EHHADH: variants seen among roughly 807,000 people sequenced by gnomAD.
The protein encoded by EHHADH is enoyl-CoA hydratase and 3-hydroxyacyl CoA dehydrogenase.
EHHADH carries 48 observed loss-of-function variants against 64.4 expected under a neutral mutation model. The observed-to-expected ratio is 0.75, with a 90% CI of 0.59 to 0.95. The LOEUF is 0.95. Among genes scored for constraint, EHHADH ranks in the 40% least tolerant of loss-of-function variants. EHHADH has a pLI of 0.00. For synonymous variants in EHHADH, 308 were observed against 326.7 expected (o/e 0.94, Z 0.62); for missense variants, 854 against 876.6 (o/e 0.97, Z 0.33).
At chr3:185,196,340 T>G (rs1718064293) in intron 6 of EHHADH, among the ~76,000 whole-genome samples, 1 of 152,222 alleles carries the variant, frequency 6.6e-6, no homozygotes. Flanking sequence ...ATTTGAATGT[T>G]CATCAACTGG....
At chr3:185,196,734 G>C (rs1718074580) in intron 6 of EHHADH, among the ~76,000 whole-genome samples, 2 of 152,184 alleles carry the variant, frequency 1.3e-5, no homozygotes, top group Admixed American at 1.3e-4. Context: ...GGACACGGTG[G>C]CTCATGCCTG....
At chr3:185,194,048 G>T (rs970932930) in intron 6 of EHHADH, among the ~76,000 whole-genome samples, 1 of 152,126 alleles carries the variant, frequency 6.6e-6, no homozygotes, top group Admixed American at 6.5e-5. Flanking sequence ...ATCCCAGCTG[G>T]TTTTTTGCAG....
chr3:185,246,631 C>T (rs1719603848), intron 2 of EHHADH, among the ~76,000 whole-genome samples: 1 of 152,198 alleles, frequency 6.6e-6, no homozygotes, highest in Non-Finnish European at 1.5e-5. Context: ...TCTTTATATG[C>T]ATTGCTTGGT....
intron 6 of EHHADH, among the ~76,000 whole-genome samples, chr3:185,203,829 G>T (rs1291157464): frequency 2.0e-5 from 3 of 152,098 alleles, no homozygotes; most frequent in Admixed American, 2.0e-4. Flanking sequence ...TTCATACAGG[G>T]AAGAGGTAGC....
chr3:185,251,776 G>C (rs1028379451), intron 1 of EHHADH, among the ~76,000 whole-genome samples: 1 of 152,014 alleles, frequency 6.6e-6, no homozygotes, highest in African/African-American at 2.4e-5. Flanking sequence ...TGTTAAACTT[G>C]AGGAACTCCT....
At chr3:185,208,296 A>T (rs1253643533) in intron 5 of EHHADH, among the ~76,000 whole-genome samples, 1 of 152,218 alleles carries the variant, frequency 6.6e-6, no homozygotes, top group Non-Finnish European at 1.5e-5. Context: ...GTGAGTTTGA[A>T]AGCAGATTCT....
chr3:185,247,354 C>G (rs1560022970), intron 2 of EHHADH, among the ~76,000 whole-genome samples: 3 of 151,976 alleles, frequency 2.0e-5, no homozygotes, highest in Admixed American at 6.6e-5. Flanking sequence ...AGCACTCTTC[C>G]CATGCATCAT....
intron 2 of EHHADH, 93 bp from the exon 3 acceptor site, chr3:185,235,555 ATTTGT>A: frequency 3.7e-6 from 4 of 1,067,092 alleles, no homozygotes; most frequent in South Asian, 5.0e-5. Flanking sequence ...TAAAAAATTA[ATTTGT>A]TTTATTTATT....
chr3:185,199,367 T>C (rs752245727), intron 6 of EHHADH, among the ~76,000 whole-genome samples: 6 of 152,290 alleles, frequency 3.9e-5, no homozygotes, highest in Non-Finnish European at 8.8e-5. Context: ...TGAGTAACTG[T>C]GGTCAATGAA....
At chr3:185,250,586 G>T (rs1272167374) in intron 1 of EHHADH, among the ~76,000 whole-genome samples, 1 of 152,094 alleles carries the variant, frequency 6.6e-6, no homozygotes, top group Non-Finnish European at 1.5e-5. Context: ...AGTACACAGG[G>T]TTAAAAATAA....
At chr3:185,225,506 C>T (rs1015614640) in intron 4 of EHHADH, among the ~76,000 whole-genome samples, 1 of 152,082 alleles carries the variant, frequency 6.6e-6, no homozygotes, top group Non-Finnish European at 1.5e-5. Context: ...TGATAGCAGC[C>T]CTCAGTCTTC....
At position 185,216,460 on chromosome 3, in the gene EHHADH, A is replaced by C. The variant is rs557117479; in HGVS notation, c.568+1676T>G. On this transcript the variant is annotated intron_variant, in intron 5 of 6. Transcript: ENST00000231887. The surrounding 1 kb of genome is among the most constrained non-coding windows in gnomAD (Gnocchi z 5.3). ...GCTGTGTGTCTGTCAAGTGACTTCT[A>C]ACAAAACAATAAGCCCCCTCGGGAA... 2.6e-5 allele frequency among the ~76,000 whole-genome samples: 4 copies of C among 152,364 alleles called. No homozygotes were observed. In the South Asian group the frequency reaches 6.2e-4, roughly 24 times the overall value.
intron 5 of EHHADH, among the ~76,000 whole-genome samples, chr3:185,211,312 G>A (rs2108633736): frequency 6.6e-6 from 1 of 152,268 alleles, no homozygotes; most frequent in African/African-American, 2.4e-5. Flanking sequence ...AGTAATCAGT[G>A]ATTCAAATAT....
At chr3:185,221,175 AATTATTCAAT>A (rs1381047320) in intron 4 of EHHADH, among the ~76,000 whole-genome samples, 2 of 152,170 alleles carry the variant, frequency 1.3e-5, no homozygotes, top group Non-Finnish European at 1.5e-5. Flanking sequence ...AGGGCAACAA[AATTATTCAAT>A]ATTCCCCCAT....
intron 2 of EHHADH, chr3:185,245,528 CA>C: frequency 9.9e-7 from 1 of 1,013,392 alleles, no homozygotes; most frequent in Non-Finnish European, 1.5e-6. Context: ...TTGATACTGG[CA>C]ACAGAACATC....
chr3:185,206,204 G>A (rs1240683339), intron 5 of EHHADH, among the ~76,000 whole-genome samples: 4 of 151,278 alleles, frequency 2.6e-5, no homozygotes, highest in African/African-American at 7.3e-5. Context: ...GATAATAATC[G>A]TTCAGAAAAA....
chr3:185,193,235 A>G lies in EHHADH; in HGVS notation c.1163T>C (p.Leu388Pro). The change falls in exon 7 of 7, where the codon CTG (leucine) becomes CCG (proline). Residue 388 changes from leucine (L) to proline (P), a missense_variant. Physicochemically the swap from Leu to Pro is moderately conservative, Grantham distance 98. Transcript: ENST00000231887. ...VIEAVFEEMS[L>P]KKQVFAELSA... ...GAGTTCAGCAAAGACCTGCTTCTTC[A>G]GGCTCATTTCCTCAAATACTGCTTC... The G allele has an allele frequency of 3.7e-6, 6 of 1,604,244 alleles. No homozygotes were observed. The highest frequency in any genetic ancestry group is 5.1e-6 in the Non-Finnish European group (6 of 1,176,436).
chr3:185,251,606 A>ATGTG (rs1320272067), intron 1 of EHHADH, among the ~76,000 whole-genome samples: 1 of 71,778 alleles, frequency 1.4e-5, no homozygotes, highest in Non-Finnish European at 2.9e-5. Context: ...GAAAAAATTT[A>ATGTG]TATGTGTGTG....
chr3:185,209,991 C>T (rs1432606870), intron 5 of EHHADH, among the ~76,000 whole-genome samples: 1 of 152,174 alleles, frequency 6.6e-6, no homozygotes, highest in African/African-American at 2.4e-5. Context: ...AATGGGGACT[C>T]CCCCAGGGTC....
Sources: gnomAD v4.1 joint callset for allele counts (sites outside exome capture counted in the v4.1 genomes callset) on GRCh38, gnomAD v4.1.1 for gene constraint, Gnocchi (gnomAD v3.1) non-coding constraint, MANE v1.5 for transcripts, NCBI Gene and HGNC (gene_info 2026-07-23, HGNC 2026-07-21) for gene names.